MCPH1: variants seen among roughly 807,000 people sequenced by gnomAD.
MCPH1 encodes microcephalin.
MCPH1 carries 104 observed loss-of-function variants against 84.5 expected under a neutral mutation model. The observed-to-expected ratio is 1.23, with a 90% CI of 1.05 to 1.45. The LOEUF is 1.45. Ranked by LOEUF, MCPH1 falls within the 40% of genes most tolerant of loss-of-function variation. MCPH1 has a pLI of 0.00. For missense variants in MCPH1, 1,498 were observed against 1,005.7 expected, an observed-to-expected ratio of 1.49 and a Z score of -6.62; for synonymous variants, 514 against 366.8, an observed-to-expected ratio of 1.40 and a Z score of -4.58.
At chr8:6,490,418 T>C (rs536628534) in intron 11 of MCPH1, among the ~76,000 whole-genome samples, 40 of 152,306 alleles carry the variant, frequency 2.6e-4, no homozygotes, top group Non-Finnish European at 3.1e-4. Context: ...CAATCTGTTA[T>C]TTCAAGGCTT....
intron 6 of MCPH1, among the ~76,000 whole-genome samples, chr8:6,439,417 T>C (rs1803168009): frequency 1.3e-5 from 2 of 149,118 alleles, no homozygotes; most frequent in Admixed American, 1.3e-4. Flanking sequence ...TGAGATGGAG[T>C]TTTGCATTTG....
chr8:6,552,498 A>T (rs1823828086), intron 12 of MCPH1, among the ~76,000 whole-genome samples: 1 of 152,236 alleles, frequency 6.6e-6, no homozygotes, highest in African/African-American at 2.4e-5. Context: ...GAGGTATAGA[A>T]GTTAGAACAT....
At chr8:6,508,999 A>G (rs1240442342) in intron 12 of MCPH1, 4 of 1,613,868 alleles carry the variant, frequency 2.5e-6, no homozygotes, top group Non-Finnish European at 3.4e-6. Context: ...TGCTAAAATC[A>G]TTTCCTGGTT....
chr8:6,537,291 G>C (rs1450895346), intron 12 of MCPH1, among the ~76,000 whole-genome samples: 1 of 152,148 alleles, frequency 6.6e-6, no homozygotes, highest in Non-Finnish European at 1.5e-5. Context: ...TGCGAGGACA[G>C]TGTGTGTTTA....
Position 6,565,186 on chromosome 8 carries a change from A to AT in MCPH1, c.2215-56262dup, listed in dbSNP as rs549762395. 1.6e-3 allele frequency among the ~76,000 whole-genome samples: 244 copies of AT among 152,258 alleles called. 2 individuals are homozygous for AT. Among genetic ancestry groups the AT allele is most frequent in the Non-Finnish European group, 2.7e-3 (185 of 68,016 alleles). On this transcript the variant is annotated intron_variant, in intron 12 of 13. Coordinates refer to ENST00000344683, the MANE Select transcript of MCPH1 (RefSeq NM_024596.5). ...TCTCCCTAGTCATAAGATGGAGATC[A>AT]TTTTTTCTCTGTAGGGTTTTTAGGA... is the stretch of plus-strand genomic sequence containing the variant.
chr8:6,474,401 G>A, intron 9 of MCPH1: 1 of 274,562 alleles, frequency 3.6e-6, no homozygotes, highest in Non-Finnish European at 6.9e-6. Context: ...AGTCTGTGGG[G>A]TCAAAACTAA....
rs565598109 is a variant in MCPH1, at chr8:6,423,173, C to A, written c.233+8290C>A. Among the ~76,000 whole-genome samples, 16 of 143,854 alleles carry A rather than the reference C, an allele frequency of 1.1e-4. No homozygotes were observed. In the East Asian group the frequency reaches 3.2e-3, roughly 29 times the overall value. The allele number at this position is 143,854 out of a possible 152,430, so 94.4% of individuals were successfully genotyped here. A position where few individuals can be genotyped will look rare whatever the true frequency, so the allele number is the denominator to read the frequency against. On this transcript the variant is annotated intron_variant, in intron 3 of 13. Transcript: ENST00000344683. ...CTCAAAAGTGAACTTAATCTTTTGG[C>A]ATTTTTCTTTTCTTTTCTTTTTTTT...
At chr8:6,608,174 G>A (rs7840804) in intron 12 of MCPH1, among the ~76,000 whole-genome samples, 96,360 of 151,918 alleles carry the variant, frequency 0.63, 33,132 homozygotes, top group Non-Finnish European at 0.79. Flanking sequence ...GGGAGAGGTC[G>A]CACGGCCTGC....
chr8:6,499,021 C>T (rs1219620559), intron 11 of MCPH1, among the ~76,000 whole-genome samples: 1 of 151,560 alleles, frequency 6.6e-6, no homozygotes, highest in East Asian at 1.9e-4. Context: ...CACTGCACTC[C>T]AGCCTGGATG....
chr8:6,514,757 C>T (rs61733316), intron 12 of MCPH1: 10 of 1,613,918 alleles, frequency 6.2e-6, no homozygotes, highest in South Asian at 2.2e-5. Flanking sequence ...CCGCCTCCTC[C>T]AGCTTCCATG....
chr8:6,619,875 T>C (rs544482500), intron 12 of MCPH1, among the ~76,000 whole-genome samples: 1 of 152,236 alleles, frequency 6.6e-6, no homozygotes, highest in Non-Finnish European at 1.5e-5. Flanking sequence ...TGAGCCACCG[T>C]GCCCGGCCAG....
At chr8:6,449,993 G>C (rs1804904196) in intron 8 of MCPH1, among the ~76,000 whole-genome samples, 1 of 28,268 alleles carries the variant, frequency 3.5e-5, no homozygotes, top group Admixed American at 6.4e-4. Flanking sequence ...AGCAAAAGCA[G>C]AAAAGTCCTT....
At chr8:6,421,377 A>G (rs1027646325) in intron 3 of MCPH1, among the ~76,000 whole-genome samples, 4 of 152,094 alleles carry the variant, frequency 2.6e-5, no homozygotes, top group Non-Finnish European at 5.9e-5. Flanking sequence ...GCTTATGCCT[A>G]ACTACCTGTA....
intron 12 of MCPH1, among the ~76,000 whole-genome samples, chr8:6,555,384 T>C (rs1824415039): frequency 6.6e-6 from 1 of 152,166 alleles, no homozygotes; most frequent in Non-Finnish European, 1.5e-5. Flanking sequence ...GGGCTGTAAC[T>C]AGATGTATGG....
At chr8:6,505,896 AACAT>A (rs1469007705) in intron 12 of MCPH1, among the ~76,000 whole-genome samples, 3 of 117,348 alleles carry the variant, frequency 2.6e-5, no homozygotes, top group Non-Finnish European at 5.0e-5. Flanking sequence ...TATATATAAA[AACAT>A]ACATATTCTT....
rs1051764581 is a variant in MCPH1, at chr8:6,607,109, G to A, written c.2215-14345G>A. Among the ~76,000 whole-genome samples, 10 of 152,170 alleles carry A rather than the reference G, an allele frequency of 6.6e-5. No homozygotes were observed. The South Asian group carries it at 8.3e-4, about 13-fold the overall frequency. On this transcript the variant is annotated intron_variant, in intron 12 of 13. Transcript: ENST00000344683. ...TAGCACCTTGGCATTTCAGAAAATC[G>A]CAAAAGCAGGAAGGCCCCTCTCACT...
At chr8:6,495,653 G>C (rs942056698) in intron 11 of MCPH1, among the ~76,000 whole-genome samples, 1 of 152,120 alleles carries the variant, frequency 6.6e-6, no homozygotes, top group Admixed American at 6.5e-5. Flanking sequence ...AATAAATAAT[G>C]TGTTTCTACA....
intron 12 of MCPH1, among the ~76,000 whole-genome samples, chr8:6,604,353 A>G (rs1829594519): frequency 6.6e-6 from 1 of 152,246 alleles, no homozygotes; most frequent in East Asian, 1.9e-4. Context: ...AAACTAGGTG[A>G]TTCAGATCAG....
intron 8 of MCPH1, among the ~76,000 whole-genome samples, chr8:6,454,847 A>G (rs1805504705): frequency 6.6e-6 from 1 of 152,208 alleles, no homozygotes; most frequent in Non-Finnish European, 1.5e-5. Context: ...TTTAAGTTTG[A>G]CGAGTGCGTA....
Sources: allele counts gnomAD v4.1 joint callset (sites outside exome capture counted in the v4.1 genomes callset), GRCh38; gene constraint gnomAD v4.1.1; transcripts MANE v1.5; gene names NCBI Gene and HGNC (gene_info 2026-07-23, HGNC 2026-07-21).